CCDC102B: variants seen among roughly 807,000 people sequenced by gnomAD.
The protein encoded by CCDC102B is coiled-coil domain-containing protein 102B.
A neutral mutation model predicts 57.4 loss-of-function variants in CCDC102B; 75 were observed. The observed-to-expected ratio is 1.31, with a 90% CI of 1.08 to 1.58. CCDC102B has a LOEUF of 1.58. Ranked by LOEUF, CCDC102B falls within the 40% of genes most tolerant of loss-of-function variation. The pLI, the probability that CCDC102B is intolerant of heterozygous loss-of-function variation, is 0.00. For synonymous variants in CCDC102B, 206 were observed against 201.9 expected, an observed-to-expected ratio of 1.02 and a Z score of -0.17; for missense variants, 636 against 582.6, an observed-to-expected ratio of 1.09 and a Z score of -0.94.
At chr18:68,935,472 T>A (rs1034819006) in intron 6 of CCDC102B, among the ~76,000 whole-genome samples, 7 of 151,922 alleles carry the variant, frequency 4.6e-5, no homozygotes, top group African/African-American at 1.7e-4. Flanking sequence ...TGGATTTAGT[T>A]TGGTTTTTTA....
chr18:68,979,922 C>T (rs1353135363), intron 6 of CCDC102B, among the ~76,000 whole-genome samples: 1 of 151,944 alleles, frequency 6.6e-6, no homozygotes. Flanking sequence ...CCAGCACTCT[C>T]CTGAGACTTG....
intron 4 of CCDC102B, chr18:68,866,820 A>G: frequency 1.4e-6 from 1 of 694,750 alleles, no homozygotes; most frequent in Non-Finnish European, 2.7e-6. Context: ...CTTATTTGAA[A>G]CTTGTGAAGT....
In CCDC102B at chr18:69,011,219, T is replaced by C. The variant is rs920284068; in HGVS notation, c.1434+115T>C. 9.7e-5 allele frequency: 82 copies of C among 843,310 alleles called. 1 individual carries two copies. Among genetic ancestry groups the C allele is most frequent in the Non-Finnish European group, 2.5e-5 (14 of 563,768 alleles). The allele number at this position is 843,310 out of a possible 1,614,324, so 52.2% of individuals were successfully genotyped here. ...CATTAATGGGATATAAATATTCATA[T>C]CTTAATGACTGAAATCAATTTAAAA... On this transcript the variant is annotated intron_variant, in intron 7 of 7. Transcript: ENST00000360242.
At chr18:68,963,895 T>C (rs2050107663) in intron 6 of CCDC102B, among the ~76,000 whole-genome samples, 1 of 151,898 alleles carries the variant, frequency 6.6e-6, no homozygotes, top group Non-Finnish European at 1.5e-5. Context: ...ATGGATGGTA[T>C]CATCATGTGA....
intron 7 of CCDC102B, among the ~76,000 whole-genome samples, chr18:69,022,086 G>T (rs1218120470): frequency 6.6e-6 from 1 of 151,940 alleles, no homozygotes; most frequent in Admixed American, 6.6e-5. Context: ...GTAAAATAAA[G>T]ATGTTTTAAG....
chr18:68,743,468 G>T (rs2033489769), intron 2 of CCDC102B, among the ~76,000 whole-genome samples: 1 of 152,118 alleles, frequency 6.6e-6, no homozygotes, highest in Admixed American at 6.6e-5. Flanking sequence ...TCTGTCTTGA[G>T]ATCTCTGAAG....
intron 7 of CCDC102B, among the ~76,000 whole-genome samples, chr18:69,050,210 A>G (rs1296908312): frequency 6.6e-6 from 1 of 152,178 alleles, no homozygotes; most frequent in Non-Finnish European, 1.5e-5. Context: ...ATGTTTGCAT[A>G]TAATTTCAAT....
intron 1 of CCDC102B, among the ~76,000 whole-genome samples, chr18:68,826,095 C>CTGCAG (rs2036893197): frequency 6.6e-6 from 1 of 152,170 alleles, no homozygotes; most frequent in Non-Finnish European, 1.5e-5. Flanking sequence ...TTTTAATAGA[C>CTGCAG]TGCAGACACA....
chr18:68,777,993 G>A lies in CCDC102B; in HGVS notation c.-66-45373G>A, dbSNP rs677523. Among the ~76,000 whole-genome samples the A allele has an allele frequency of 3.8e-3, 581 of 152,122 alleles. 2 individuals carry two copies. The highest frequency in any genetic ancestry group is 0.013 in the African/African-American group (549 of 41,502). On this transcript the variant is annotated intron_variant, in intron 2 of 3. Coordinates refer to the CCDC102B transcript ENST00000578970. ...TAGAAACTATAGAGCTTGCATAAGG[G>A]TATTCATTAAACCACTGATCCATAA...
At chr18:68,988,556 C>CAAAAAAAAAAA (rs201769629) in intron 6 of CCDC102B, among the ~76,000 whole-genome samples, 1 of 120,990 alleles carries the variant, frequency 8.3e-6, no homozygotes, top group African/African-American at 3.3e-5. Flanking sequence ...GTTGAAATTA[C>CAAAAAAAAAAA]AAAAAAAAAC....
At chr18:68,816,533 T>G (rs904459446) in intron 1 of CCDC102B, among the ~76,000 whole-genome samples, 2 of 147,272 alleles carry the variant, frequency 1.4e-5, no homozygotes, top group African/African-American at 5.1e-5. Context: ...AGGCACGATC[T>G]GGGCTCACTG....
chr18:68,749,855 A>C (rs1050693735), intron 2 of CCDC102B, among the ~76,000 whole-genome samples: 1 of 152,218 alleles, frequency 6.6e-6, no homozygotes, highest in Non-Finnish European at 1.5e-5. Context: ...AATACCATTC[A>C]GGACATAGGC....
intron 1 of CCDC102B, among the ~76,000 whole-genome samples, chr18:68,833,936 T>C (rs1258733808): frequency 1.3e-5 from 2 of 152,146 alleles, no homozygotes; most frequent in Non-Finnish European, 2.9e-5. Context: ...TCAGCGGCCC[T>C]GTCCTACAAC....
At chr18:68,721,516 G>C (rs1455538849) in intron 2 of CCDC102B, 1 of 152,082 alleles carries the variant, frequency 6.6e-6, no homozygotes, top group African/African-American at 2.4e-5. Context: ...CATGAAGCTT[G>C]TGAGCTTCAT....
chr18:68,953,778 C>T (rs954822238), intron 6 of CCDC102B, among the ~76,000 whole-genome samples: 2 of 151,998 alleles, frequency 1.3e-5, no homozygotes, highest in African/African-American at 2.4e-5. Flanking sequence ...GAGGAGAAGG[C>T]AAATGGGTCA....
chr18:68,865,109 A>G (rs979650176), intron 4 of CCDC102B, among the ~76,000 whole-genome samples: 6 of 152,062 alleles, frequency 3.9e-5, no homozygotes, highest in Non-Finnish European at 5.9e-5. Context: ...CTTTACCACA[A>G]GCCTCTTCTA....
chr18:69,016,090 C>T (rs187689797), intron 7 of CCDC102B, among the ~76,000 whole-genome samples: 112 of 151,042 alleles, frequency 7.4e-4, no homozygotes, highest in African/African-American at 2.7e-3. Flanking sequence ...GTCTCGATCT[C>T]CTGACCTCAG....
chr18:68,878,626 T>C (rs529611927), intron 5 of CCDC102B, among the ~76,000 whole-genome samples: 2 of 152,248 alleles, frequency 1.3e-5, no homozygotes, highest in East Asian at 1.9e-4. Context: ...GAAAGTGCTG[T>C]GTATGAACCA....
intron 6 of CCDC102B, among the ~76,000 whole-genome samples, chr18:68,964,062 G>A (rs1302927048): frequency 6.6e-6 from 1 of 151,766 alleles, no homozygotes; most frequent in Admixed American, 6.6e-5. Context: ...CTTCGGGTCT[G>A]GAAAATTTTC....
Sources: allele counts gnomAD v4.1 joint callset (sites outside exome capture counted in the v4.1 genomes callset), GRCh38; gene constraint gnomAD v4.1.1; transcripts MANE v1.5; gene names NCBI Gene and HGNC (gene_info 2026-07-23, HGNC 2026-07-21).